FRMD6: variants seen among roughly 807,000 people sequenced by gnomAD.
The protein encoded by FRMD6 is FERM domain containing 6, also known as FERM domain-containing protein 6.
A neutral mutation model predicts 73.2 loss-of-function variants in FRMD6; 37 were observed. The ratio of observed to expected loss-of-function variants is 0.51; its 90% CI spans 0.39 to 0.66. The LOEUF is 0.66. Ranked by LOEUF, FRMD6 falls within the 30% of genes least tolerant of loss-of-function variation. The pLI, the probability that FRMD6 is intolerant of heterozygous loss-of-function variation, is 0.00. For missense variants in FRMD6, 714 were observed against 780.5 expected (o/e 0.91, Z 1.02); for synonymous variants, 273 against 282.2 (o/e 0.97, Z 0.33).
chr14:51,446,853 C>T, the FRMD6 span, among the ~76,000 whole-genome samples: 1 of 152,106 alleles, frequency 6.6e-6, no homozygotes, highest in African/African-American at 2.4e-5. Flanking sequence ...AGAAGACAGA[C>T]ATAGGAAGAA....
At chr14:51,440,110 G>A in the FRMD6 span, among the ~76,000 whole-genome samples, 15 of 152,232 alleles carry the variant, frequency 9.9e-5, no homozygotes, top group East Asian at 1.9e-4. Flanking sequence ...AAAGCGCAGC[G>A]CCCTTGATCT....
the FRMD6 span, among the ~76,000 whole-genome samples, chr14:51,425,477 C>T: frequency 6.6e-6 from 1 of 152,196 alleles, no homozygotes; most frequent in East Asian, 1.9e-4. Flanking sequence ...AGCTTGTCAG[C>T]AACTGCTTGA....
At chr14:51,698,052 A>G (rs911389628) in intron 2 of FRMD6, 90 bp from the exon 3 acceptor site, 10 of 817,918 alleles carry the variant, frequency 1.2e-5, no homozygotes, top group Non-Finnish European at 1.4e-5. Context: ...TTCAAGGAAT[A>G]TATTTACGAT....
chr14:51,409,345 T>C, the FRMD6 span, among the ~76,000 whole-genome samples: 1 of 126,762 alleles, frequency 7.9e-6, no homozygotes, highest in Non-Finnish European at 1.8e-5. Flanking sequence ...TTTTGCTTTT[T>C]TTTTTTTTTT....
At chr14:51,523,449 T>C (rs973255896) in intron 1 of FRMD6, among the ~76,000 whole-genome samples, 3 of 152,298 alleles carry the variant, frequency 2.0e-5, no homozygotes, top group Non-Finnish European at 4.4e-5. Context: ...CAACGCTGAA[T>C]AGAGCTGGAA....
intron 2 of FRMD6, among the ~76,000 whole-genome samples, chr14:51,691,746 C>A (rs987107775): frequency 6.6e-6 from 1 of 151,728 alleles, no homozygotes; most frequent in Non-Finnish European, 1.5e-5. Context: ...AGGTGCCTGC[C>A]ACCACACCTG....
intron 1 of FRMD6, among the ~76,000 whole-genome samples, chr14:51,655,175 C>T (rs983676961): frequency 6.6e-6 from 1 of 152,014 alleles, no homozygotes; most frequent in African/African-American, 2.4e-5. Context: ...CCACCCCCAA[C>T]GAGGAAAAAC....
At chr14:51,498,332 T>C (rs1020743755) in intron 1 of FRMD6, among the ~76,000 whole-genome samples, 1 of 152,226 alleles carries the variant, frequency 6.6e-6, no homozygotes, top group African/African-American at 2.4e-5. Flanking sequence ...TCCTCTCTGC[T>C]CTTTCAGCCT....
At chr14:51,570,058 GC>G (rs1230785384) in intron 1 of FRMD6, among the ~76,000 whole-genome samples, 5 of 152,086 alleles carry the variant, frequency 3.3e-5, no homozygotes, top group East Asian at 3.9e-4. Flanking sequence ...CTCGTGATCT[GC>G]CCACCTTGGC....
the FRMD6 span, among the ~76,000 whole-genome samples, chr14:51,474,256 A>G: frequency 6.6e-6 from 1 of 152,246 alleles, no homozygotes; most frequent in African/African-American, 2.4e-5. Flanking sequence ...GTGATTAGCA[A>G]AGTGAGAATA....
At chr14:51,681,665 A>G (rs1238401838) in intron 1 of FRMD6, among the ~76,000 whole-genome samples, 1 of 152,198 alleles carries the variant, frequency 6.6e-6, no homozygotes, top group African/African-American at 2.4e-5. Flanking sequence ...TGTTGATTCA[A>G]CAACTAGCCT....
At chr14:51,532,958 T>C (rs1304363150) in intron 1 of FRMD6, among the ~76,000 whole-genome samples, 1 of 152,232 alleles carries the variant, frequency 6.6e-6, no homozygotes, top group Admixed American at 6.5e-5. Flanking sequence ...ATGTTGTCAA[T>C]GTCATCCAGC....
chr14:51,666,144 T>C (rs919205396), intron 1 of FRMD6, among the ~76,000 whole-genome samples: 1 of 152,240 alleles, frequency 6.6e-6, no homozygotes, highest in African/African-American at 2.4e-5. Context: ...GCTTTCTTAA[T>C]TTACTATGCC....
At chr14:51,443,285 C>T in the FRMD6 span, among the ~76,000 whole-genome samples, 3 of 152,214 alleles carry the variant, frequency 2.0e-5, no homozygotes, top group African/African-American at 7.2e-5. Context: ...GAAAACAGCA[C>T]ATGCTAGCCA....
chr14:51,587,167 T>C (rs1889096009), intron 2 of FRMD6, among the ~76,000 whole-genome samples: 1 of 152,246 alleles, frequency 6.6e-6, no homozygotes, highest in South Asian at 2.1e-4. Context: ...TTTCCCAGTA[T>C]ATATTTTTGA....
intron 1 of FRMD6, among the ~76,000 whole-genome samples, chr14:51,559,481 T>G (rs6572774): frequency 0.8 from 120,656 of 149,924 alleles, 48,669 homozygotes; most frequent in South Asian, 0.87. Flanking sequence ...ACTTTTTTTT[T>G]TTTTTTTTTT....
At chr14:51,521,469 G>T (rs761480032) in intron 1 of FRMD6, among the ~76,000 whole-genome samples, 1 of 151,806 alleles carries the variant, frequency 6.6e-6, no homozygotes, top group Admixed American at 6.6e-5. Context: ...ATATCTCAGA[G>T]AATATGCAAC....
intron 1 of FRMD6, among the ~76,000 whole-genome samples, chr14:51,500,421 G>A (rs1169575651): frequency 6.6e-6 from 1 of 152,098 alleles, no homozygotes; most frequent in African/African-American, 2.4e-5. Flanking sequence ...CAGCTACTCA[G>A]GAGGCTGAGG....
At chr14:51,577,567 T>G (rs1888472626) in intron 2 of FRMD6, among the ~76,000 whole-genome samples, 1 of 152,152 alleles carries the variant, frequency 6.6e-6, no homozygotes, top group African/African-American at 2.4e-5. Flanking sequence ...ACAACGTCAA[T>G]TTGATAATTG....
Sources: allele counts gnomAD v4.1 joint callset (sites outside exome capture counted in the v4.1 genomes callset), GRCh38; gene constraint gnomAD v4.1.1; transcripts MANE v1.5; gene names NCBI Gene and HGNC (gene_info 2026-07-23, HGNC 2026-07-21).